ZFHX3: variants seen among roughly 807,000 people sequenced by gnomAD.
ZFHX3 encodes zinc finger homeobox 3, also known as zinc finger homeobox protein 3.
A neutral mutation model predicts 279.1 loss-of-function variants in ZFHX3; 42 were observed. The ratio of observed to expected loss-of-function variants is 0.15; its 90% CI spans 0.12 to 0.19. The LOEUF is 0.19. Among genes scored for constraint, ZFHX3 ranks in the 10% least tolerant of loss-of-function variants. The pLI is 1.00. For missense variants in ZFHX3, 4,981 were observed against 4,754.0 expected (o/e 1.05, Z -1.40); for synonymous variants, 2,293 against 1,957.8 (o/e 1.17, Z -4.52).
chr16:73,276,177 C>CTTTT (rs529830146), intron 4 of ZFHX3, among the ~76,000 whole-genome samples: 4 of 135,066 alleles, frequency 3.0e-5, no homozygotes, highest in African/African-American at 2.7e-5. Context: ...CTTTTTCTTT[C>CTTTT]TTTTTTTTTT....
chr16:73,473,914 C>T (rs1276662959), intron 2 of ZFHX3, among the ~76,000 whole-genome samples: 1 of 152,048 alleles, frequency 6.6e-6, no homozygotes, highest in Non-Finnish European at 1.5e-5. Flanking sequence ...AGGCCTGCTC[C>T]CTTCTGATGC....
intron 3 of ZFHX3, among the ~76,000 whole-genome samples, chr16:73,363,977 A>C (rs1161888808): frequency 6.6e-6 from 1 of 152,186 alleles, no homozygotes; most frequent in African/African-American, 2.4e-5. Context: ...GTTTGAGACC[A>C]GCCTTGCCAA....
chr16:72,815,923 T>G (rs965299596), intron 5 of ZFHX3, among the ~76,000 whole-genome samples: 18 of 152,214 alleles, frequency 1.2e-4, no homozygotes, highest in African/African-American at 4.3e-4. Flanking sequence ...CAATAGGGCA[T>G]GGTATAAGTA....
At position 73,560,962 on chromosome 16, in the gene ZFHX3, A is replaced by T. The variant is rs141347264; in HGVS notation, c.-1546-104704T>A. On this transcript the variant is annotated intron_variant, in intron 2 of 17. Coordinates refer to the ZFHX3 transcript ENST00000641206. ...ATGAGATTAGTGAAAGGGAACAAAC[A>T]TAATCTAAATTGATCCCTAATTAGG... 4.1e-4 allele frequency among the ~76,000 whole-genome samples: 62 copies of T among 152,352 alleles called. 1 individual carries two copies. In the East Asian group the frequency reaches 0.012, roughly 29 times the overall value.
At chr16:73,855,653 C>T (rs1022153474) in intron 1 of ZFHX3, among the ~76,000 whole-genome samples, 1 of 152,182 alleles carries the variant, frequency 6.6e-6, no homozygotes. Context: ...TTAGTCATCT[C>T]TGGAAAACAT....
chr16:73,339,543 T>A (rs928559177), intron 3 of ZFHX3, among the ~76,000 whole-genome samples: 1 of 152,228 alleles, frequency 6.6e-6, no homozygotes, highest in South Asian at 2.1e-4. Context: ...GTCTTTTTGT[T>A]CCACAACAAT....
intron 1 of ZFHX3, among the ~76,000 whole-genome samples, chr16:72,961,719 G>A (rs1035446845): frequency 1.3e-5 from 2 of 152,026 alleles, no homozygotes; most frequent in Non-Finnish European, 2.9e-5. Context: ...TTTACCAGAA[G>A]TCTCAGGGAG....
chr16:73,283,482 T>G (rs1304676106), intron 4 of ZFHX3, among the ~76,000 whole-genome samples: 2 of 152,148 alleles, frequency 1.3e-5, no homozygotes, highest in African/African-American at 4.8e-5. Context: ...GATACTGGCT[T>G]CATCCTGCAA....
chr16:73,323,916 G>C (rs1051726342), intron 3 of ZFHX3, among the ~76,000 whole-genome samples: 12 of 152,212 alleles, frequency 7.9e-5, no homozygotes, highest in African/African-American at 2.7e-4. Context: ...TAAAATATCT[G>C]TTTAGGAGCC....
chr16:73,551,914 A>C (rs1267094840), intron 2 of ZFHX3, among the ~76,000 whole-genome samples: 1 of 152,216 alleles, frequency 6.6e-6, no homozygotes, highest in African/African-American at 2.4e-5. Flanking sequence ...TATAATGCAT[A>C]CATATAAACA....
At chr16:73,781,370 G>A (rs1371796073) in intron 1 of ZFHX3, among the ~76,000 whole-genome samples, 1 of 152,166 alleles carries the variant, frequency 6.6e-6, no homozygotes, top group Non-Finnish European at 1.5e-5. Context: ...CAAGTTCCCA[G>A]GTCACGTTGC....
Position 72,957,803 on chromosome 16 carries a change from C to T in ZFHX3, c.2343G>A (p.Ala781=), listed in dbSNP as rs369675306. ...AGGAGCTACTGATATTGGCTGCCGCCGCCGCCGCAGCCACCGCCGCCGCCG... is the reference window on the plus strand; with the variant it reads ...AGGAGCTACTGATATTGGCTGCCGCTGCCGCCGCAGCCACCGCCGCCGCCG... ...GAAAAAVAAA[A]AAANISSSCG... is the part of the protein sequence containing the mutation. Residue 781 remains alanine (A), a synonymous_variant, in exon 2 of 10, where the codon GCG becomes GCA. Coordinates refer to ENST00000268489, the MANE Select transcript of ZFHX3 (RefSeq NM_006885.4). 736 of 1,591,386 alleles carry T rather than the reference C, an allele frequency of 4.6e-4. 3 individuals are homozygous for T. The Admixed American group carries it at 9.0e-3, about 19-fold the overall frequency.
chr16:73,395,615 G>A (rs1334396803), intron 3 of ZFHX3, among the ~76,000 whole-genome samples: 1 of 152,018 alleles, frequency 6.6e-6, no homozygotes, highest in East Asian at 1.9e-4. Flanking sequence ...ATAGTAGGCT[G>A]TTGTCTCCTA....
At chr16:73,873,197 TGGTGGTGGGTGGTAGTG>T (rs2029872308) in intron 1 of ZFHX3, among the ~76,000 whole-genome samples, 1 of 21,600 alleles carries the variant, frequency 4.6e-5, no homozygotes, top group Non-Finnish European at 8.6e-5. Context: ...GGATGGTGGG[TGGTGGTGGGTGGTAGTG>T]GGTGGTGGGT....
chr16:73,643,308 T>C (rs1240256294), intron 2 of ZFHX3, among the ~76,000 whole-genome samples: 2 of 152,316 alleles, frequency 1.3e-5, no homozygotes, highest in South Asian at 2.1e-4. Context: ...GGATTACAAA[T>C]ATGAATGAAC....
At chr16:72,957,150 T>C (rs1374616984) in intron 2 of ZFHX3, among the ~76,000 whole-genome samples, 1 of 152,144 alleles carries the variant, frequency 6.6e-6, no homozygotes, top group Admixed American at 6.5e-5. Flanking sequence ...AAAGAGAGAA[T>C]GGGAACAGAA....
chr16:73,354,045 T>A (rs1206300166), intron 3 of ZFHX3, among the ~76,000 whole-genome samples: 4 of 152,162 alleles, frequency 2.6e-5, no homozygotes, highest in African/African-American at 9.7e-5. Flanking sequence ...TTAGTCAGTA[T>A]GGGACCAAAA....
intron 1 of ZFHX3, among the ~76,000 whole-genome samples, chr16:73,744,043 A>T (rs2053683357): frequency 6.6e-6 from 1 of 152,212 alleles, no homozygotes; most frequent in African/African-American, 2.4e-5. Context: ...CCCGCCACAG[A>T]TCCAACAAAT....
At chr16:73,760,905 A>C (rs758745721) in intron 1 of ZFHX3, among the ~76,000 whole-genome samples, 4 of 152,068 alleles carry the variant, frequency 2.6e-5, no homozygotes, top group Non-Finnish European at 5.9e-5. Flanking sequence ...ATTCCCCTTG[A>C]AAACTGCCAC....
Sources: gnomAD v4.1 joint callset for allele counts (sites outside exome capture counted in the v4.1 genomes callset) on GRCh38, gnomAD v4.1.1 for gene constraint, MANE v1.5 for transcripts, NCBI Gene and HGNC (gene_info 2026-07-23, HGNC 2026-07-21) for gene names.